Variants in ZNRF3 observed in about 807,000 individuals in gnomAD.
ZNRF3 encodes the protein E3 ubiquitin-protein ligase ZNRF3.
A neutral mutation model predicts 72.5 loss-of-function variants in ZNRF3; 23 were observed. The observed-to-expected ratio is 0.32, with a 90% CI of 0.23 to 0.45. The LOEUF is 0.45. Among genes scored for constraint, ZNRF3 ranks in the 20% least tolerant of loss-of-function variants. The pLI, the probability that ZNRF3 is intolerant of heterozygous loss-of-function variation, is 1.00. For missense variants in ZNRF3, 1,169 were observed against 1,272.1 expected, an observed-to-expected ratio of 0.92 and a Z score of 1.23; for synonymous variants, 610 against 545.3, an observed-to-expected ratio of 1.12 and a Z score of -1.65.
chr22:29,031,235 G>C (rs1169225068), intron 2 of ZNRF3: 1 of 152,176 alleles, frequency 6.6e-6, no homozygotes, highest in Non-Finnish European at 1.5e-5. Flanking sequence ...AGCTGTGTGC[G>C]TCCCTTTCCT....
intron 2 of ZNRF3, chr22:29,025,549 C>G (rs570325097): frequency 1.5e-4 from 22 of 149,420 alleles, no homozygotes; most frequent in African/African-American, 5.3e-4. Context: ...GGTCTAGTTC[C>G]ATTTCTCTTT....
intron 1 of ZNRF3, among the ~76,000 whole-genome samples, chr22:28,909,747 ATTTTTTT>A (rs11432409): frequency 2.6e-5 from 3 of 113,890 alleles, no homozygotes; most frequent in Non-Finnish European, 3.5e-5. Context: ...TGCCTGGCTA[ATTTTTTT>A]TTTTTTTTTT....
chr22:28,906,200 G>A (rs577815364), intron 1 of ZNRF3, among the ~76,000 whole-genome samples: 2 of 152,302 alleles, frequency 1.3e-5, no homozygotes, highest in Admixed American at 6.5e-5. Context: ...AGTGGTGCAC[G>A]TCTGTAGTCC....
At chr22:28,905,300 C>T (rs2034185359) in intron 1 of ZNRF3, among the ~76,000 whole-genome samples, 1 of 152,144 alleles carries the variant, frequency 6.6e-6, no homozygotes, top group East Asian at 1.9e-4. Context: ...TGCATTGACA[C>T]TGATGGGGCC....
intron 1 of ZNRF3, among the ~76,000 whole-genome samples, chr22:28,973,712 A>G (rs1055928456): frequency 6.6e-6 from 1 of 152,154 alleles, no homozygotes; most frequent in Non-Finnish European, 1.5e-5. Context: ...CAAATGTTGA[A>G]TTATTTCTTT....
rs768881784 is a variant in ZNRF3 at position 29,049,252 on chromosome 22, T to C, written c.1071T>C (p.Gly357=). ...TGGAGACCAGCAACCTCTCACGTGG[T>C]CGGCAGCAGAGGGTGACCCTGCCGG... ...VCVETSNLSR[G]RQQRVTLPVH... The change falls in exon 8 of 9, where the codon GGT becomes GGC. Residue 357 remains glycine (G), a synonymous_variant. Coordinates refer to ENST00000544604, the MANE Select transcript of ZNRF3 (RefSeq NM_001206998.2). The surrounding 1 kb of genome is among the most constrained non-coding windows in gnomAD (Gnocchi z 5.2). 2.5e-6 allele frequency: 4 copies of C among 1,613,338 alleles called. No individual in the cohort carries two copies. The highest frequency in any genetic ancestry group is 3.4e-6 in the Non-Finnish European group (4 of 1,179,638).
At chr22:28,937,084 T>A (rs1368798519) in intron 1 of ZNRF3, among the ~76,000 whole-genome samples, 1 of 151,430 alleles carries the variant, frequency 6.6e-6, no homozygotes, top group Non-Finnish European at 1.5e-5. Flanking sequence ...TGTCATGCCC[T>A]GGCTGGTGCT....
chr22:29,001,635 C>A (rs1245718157), intron 2 of ZNRF3, among the ~76,000 whole-genome samples: 2 of 152,142 alleles, frequency 1.3e-5, no homozygotes, highest in Non-Finnish European at 2.9e-5. Context: ...TCACGCCCAG[C>A]TAATTTTTTT....
intron 1 of ZNRF3, among the ~76,000 whole-genome samples, chr22:28,909,168 A>C (rs1211490990): frequency 6.6e-6 from 1 of 152,066 alleles, no homozygotes; most frequent in African/African-American, 2.4e-5. Flanking sequence ...AAGTGCTAGG[A>C]TTACAGGCGT....
In ZNRF3 at chr22:29,053,982, A is replaced by C. The variant is rs1049505120; in HGVS notation, c.*360A>C. On this transcript the variant is annotated 3_prime_UTR_variant, in exon 9 of 9. Coordinates refer to ENST00000544604, the MANE Select transcript of ZNRF3 (RefSeq NM_001206998.2). ...AGTTATTTAAATATATATTTTAAAG[A>C]ACCCTAACTGCCAACTTTTGCTGAA... 6.2e-6 allele frequency: 1 copy of C among 161,278 alleles called. No individual in the cohort carries two copies. Among genetic ancestry groups the C allele is most frequent in the African/African-American group, 2.4e-5 (1 of 41,720 alleles). The allele number at this position is 161,278 out of a possible 1,614,324, so 10.0% of individuals were successfully genotyped here.
chr22:28,995,645 C>T (rs2036034110), intron 2 of ZNRF3, among the ~76,000 whole-genome samples: 1 of 152,108 alleles, frequency 6.6e-6, no homozygotes, highest in Non-Finnish European at 1.5e-5. Context: ...TCACTGAGTT[C>T]TCTGATGAAA....
intron 2 of ZNRF3, among the ~76,000 whole-genome samples, chr22:29,005,222 C>T (rs986841479): frequency 6.6e-6 from 1 of 152,238 alleles, no homozygotes; most frequent in African/African-American, 2.4e-5. Context: ...CAAGCCAGGC[C>T]TCTGACCCTC....
chr22:28,943,749 C>T (rs2034994755), intron 1 of ZNRF3, among the ~76,000 whole-genome samples: 1 of 152,016 alleles, frequency 6.6e-6, no homozygotes, highest in South Asian at 2.1e-4. Flanking sequence ...AACTTGTTTC[C>T]TGGTGTAATC....
intron 1 of ZNRF3, among the ~76,000 whole-genome samples, chr22:28,901,347 C>T (rs1322712872): frequency 6.6e-6 from 1 of 152,108 alleles, no homozygotes; most frequent in African/African-American, 2.4e-5. Context: ...CTTCCATCTC[C>T]CTGTTGGCTG....
intron 1 of ZNRF3, among the ~76,000 whole-genome samples, chr22:28,958,049 G>A (rs535429479): frequency 5.3e-5 from 8 of 152,214 alleles, no homozygotes; most frequent in East Asian, 2.0e-4. Flanking sequence ...TTAGCCGGGC[G>A]TTGTGGCTTG....
At chr22:29,053,383 A>G (rs574228289) in intron 8 of ZNRF3, among the ~76,000 whole-genome samples, 196 bp from the exon 9 acceptor site, 2 of 152,280 alleles carry the variant, frequency 1.3e-5, no homozygotes. Context: ...CTCTACATCC[A>G]AGTGAGAGGC....
chr22:29,045,126 C>T (rs564695897), intron 5 of ZNRF3, among the ~76,000 whole-genome samples: 18 of 152,008 alleles, frequency 1.2e-4, no homozygotes, highest in South Asian at 8.3e-4. Flanking sequence ...TTTGGGAGGC[C>T]GAGGCAGGCA....
chr22:28,915,684 A>G (rs2034395153), intron 1 of ZNRF3, among the ~76,000 whole-genome samples: 1 of 152,084 alleles, frequency 6.6e-6, no homozygotes, highest in South Asian at 2.1e-4. Context: ...TACCCGTGAT[A>G]TTATAGATAG....
chr22:28,898,738 G>T (rs1273418162), intron 1 of ZNRF3, among the ~76,000 whole-genome samples: 4 of 152,100 alleles, frequency 2.6e-5, no homozygotes, highest in Non-Finnish European at 1.5e-5. Context: ...GTGTTTAAGC[G>T]CTGTGTGGGA....
Sources: allele counts gnomAD v4.1 joint callset (sites outside exome capture counted in the v4.1 genomes callset), GRCh38; gene constraint gnomAD v4.1.1; non-coding constraint Gnocchi (gnomAD v3.1); transcripts MANE v1.5; gene names NCBI Gene and HGNC (gene_info 2026-07-23, HGNC 2026-07-21).